The following JMJD1C variants were observed in gnomAD, a reference collection of about 807,000 sequenced individuals.
The protein encoded by JMJD1C is jumonji domain containing 1C.
A neutral mutation model predicts 245.3 loss-of-function variants in JMJD1C; 31 were observed. That is an observed-to-expected ratio of 0.13 (90% CI 0.09 to 0.17). JMJD1C has a LOEUF of 0.17. Ranked by LOEUF, JMJD1C falls within the 10% of genes least tolerant of loss-of-function variation. JMJD1C has a pLI of 1.00. For missense variants in JMJD1C, 2,691 were observed against 3,000.2 expected, an observed-to-expected ratio of 0.90 and a Z score of 2.41; for synonymous variants, 1,057 against 1,017.4, an observed-to-expected ratio of 1.04 and a Z score of -0.74.
In JMJD1C at chr10:63,189,148, T is replaced by C. The variant is rs748676870; in HGVS notation, c.6570+20A>G. On this transcript the variant is annotated intron_variant, in intron 18 of 25. Coordinates refer to ENST00000399262, the MANE Select transcript of JMJD1C (RefSeq NM_032776.3). ...CTTCAGTTCCACCAAGAGTGTTCTT[T>C]ATCAGCCTAAAATACACACCTGTCC... 1.3e-5 allele frequency: 20 copies of C among 1,574,520 alleles called. No individual in the cohort carries two copies. The highest frequency in any genetic ancestry group is 1.6e-5 in the Non-Finnish European group (19 of 1,162,728).
chr10:63,349,302 T>C (rs1383787174), intron 2 of JMJD1C, among the ~76,000 whole-genome samples: 2 of 152,106 alleles, frequency 1.3e-5, no homozygotes, highest in East Asian at 3.9e-4. Context: ...GTATTCCTTT[T>C]ACAACAATGC....
At chr10:63,196,060 T>C (rs1845422940) in intron 13 of JMJD1C, among the ~76,000 whole-genome samples, 2 of 152,156 alleles carry the variant, frequency 1.3e-5, no homozygotes, top group South Asian at 4.1e-4. Context: ...GGTCAGGAGT[T>C]TGAGACCAGC....
intron 1 of JMJD1C, among the ~76,000 whole-genome samples, chr10:63,500,219 C>G (rs186926760): frequency 1.3e-5 from 2 of 152,114 alleles, no homozygotes; most frequent in South Asian, 4.1e-4. Flanking sequence ...CCCAGAAGTT[C>G]GAGACCAGCT....
rs565987613 is a variant in JMJD1C, at chr10:63,254,658, C to T, written c.447+9993G>A. Among the ~76,000 whole-genome samples the T allele has an allele frequency of 1.1e-4, 16 of 149,058 alleles. No homozygotes were observed. The South Asian group carries it at 2.2e-3, about 20-fold the overall frequency. On this transcript the variant is annotated intron_variant, in intron 3 of 25. Coordinates refer to ENST00000399262, the MANE Select transcript of JMJD1C (RefSeq NM_032776.3). ...TGGGCTCAAGCAATCCTCCCATCCCCGCCTCCCAAGTAGTTGGGACTACAG... is the reference window on the plus strand; with the variant it reads ...TGGGCTCAAGCAATCCTCCCATCCCTGCCTCCCAAGTAGTTGGGACTACAG...
intron 1 of JMJD1C, among the ~76,000 whole-genome samples, chr10:63,442,878 T>C (rs1564925033): frequency 6.6e-6 from 1 of 152,224 alleles, no homozygotes; most frequent in Non-Finnish European, 1.5e-5. Context: ...AAATACATGA[T>C]GTCTTTTCCA....
exon 1 of JMJD1C, chr10:63,521,809 C>T: frequency 3.6e-6 from 1 of 276,428 alleles, no homozygotes; most frequent in Admixed American, 5.5e-5. Flanking sequence ...GCTGCGACGG[C>T]GGCGGCGGCT....
At chr10:63,293,483 T>C (rs1589406046) in intron 2 of JMJD1C, among the ~76,000 whole-genome samples, 1 of 152,214 alleles carries the variant, frequency 6.6e-6, no homozygotes, top group East Asian at 1.9e-4. Flanking sequence ...TCAAATAAAA[T>C]ATAAATATGT....
chr10:63,471,804 G>A (rs1262506230), intron 1 of JMJD1C, among the ~76,000 whole-genome samples: 1 of 152,204 alleles, frequency 6.6e-6, no homozygotes, highest in Non-Finnish European at 1.5e-5. Context: ...CTGGGAGGCT[G>A]AGTGGGGCGG....
rs568501722 is a variant in JMJD1C at position 63,284,782 on chromosome 10, G to C, written c.334-20018C>G. Among the ~76,000 whole-genome samples the C allele has an allele frequency of 6.6e-5, 10 of 151,844 alleles. No individual in the cohort carries two copies. In the East Asian group the frequency reaches 1.9e-3, roughly 29 times the overall value. ...TACAGTTCAGAGTTGTGAGTGGCCA[G>C]AGCTTATCCTAGAAGCTCACCATTC... On this transcript the variant is annotated intron_variant, in intron 2 of 25. Coordinates refer to ENST00000399262, the MANE Select transcript of JMJD1C (RefSeq NM_032776.3).
intron 1 of JMJD1C, among the ~76,000 whole-genome samples, chr10:63,456,484 C>A (rs12246496): frequency 0.14 from 21,809 of 151,866 alleles, 3,595 homozygotes; most frequent in African/African-American, 0.4. Context: ...TAATTTTAAC[C>A]AAACATTAAC....
At chr10:63,331,014 T>A (rs962458941) in intron 2 of JMJD1C, among the ~76,000 whole-genome samples, 1 of 152,244 alleles carries the variant, frequency 6.6e-6, no homozygotes, top group African/African-American at 2.4e-5. Flanking sequence ...CTTACTTGAC[T>A]TCATTATCTT....
At chr10:63,202,450 TGGATCAGA>T in intron 10 of JMJD1C, 3 of 985,426 alleles carry the variant, frequency 3.0e-6, no homozygotes, top group Non-Finnish European at 3.6e-6. Context: ...GCCCAATGTG[TGGATCAGA>T]GGTACAGCTA....
chr10:63,446,642 T>C (rs992144092), intron 1 of JMJD1C, among the ~76,000 whole-genome samples: 1 of 152,176 alleles, frequency 6.6e-6, no homozygotes, highest in Non-Finnish European at 1.5e-5. Flanking sequence ...GTGAGCATAA[T>C]GTCCTAGGAT....
intron 2 of JMJD1C, among the ~76,000 whole-genome samples, chr10:63,335,436 G>C (rs922578206): frequency 2.6e-5 from 4 of 152,212 alleles, no homozygotes; most frequent in African/African-American, 9.6e-5. Context: ...CAGTTAAAAA[G>C]AAAATTGATT....
intron 3 of JMJD1C, among the ~76,000 whole-genome samples, chr10:63,263,129 A>C (rs915921534): frequency 6.6e-6 from 1 of 152,222 alleles, no homozygotes; most frequent in African/African-American, 2.4e-5. Flanking sequence ...TTCACAATTA[A>C]CAAAATAAAA....
chr10:63,332,233 A>T (rs537780123), intron 2 of JMJD1C, among the ~76,000 whole-genome samples: 5 of 152,372 alleles, frequency 3.3e-5, no homozygotes, highest in African/African-American at 1.2e-4. Context: ...AATGCAGCTT[A>T]TATAAGTAAA....
intron 2 of JMJD1C, among the ~76,000 whole-genome samples, chr10:63,295,106 G>T (rs751955148): frequency 6.6e-6 from 1 of 151,794 alleles, no homozygotes; most frequent in Non-Finnish European, 1.5e-5. Context: ...TTTTTGTTTT[G>T]AGTGAGGATC....
At chr10:63,242,996 T>C (rs1205819045) in intron 3 of JMJD1C, among the ~76,000 whole-genome samples, 2 of 150,932 alleles carry the variant, frequency 1.3e-5, no homozygotes, top group Non-Finnish European at 3.0e-5. Flanking sequence ...AGCAACAAAA[T>C]TGGGAATGGA....
At chr10:63,276,291 C>G (rs1012379103) in intron 2 of JMJD1C, among the ~76,000 whole-genome samples, 5 of 151,924 alleles carry the variant, frequency 3.3e-5, no homozygotes, top group Non-Finnish European at 7.4e-5. Context: ...ACGGTGAAAC[C>G]CCGTCTCTAC....
Sources: gnomAD v4.1 joint callset for allele counts (sites outside exome capture counted in the v4.1 genomes callset) on GRCh38, gnomAD v4.1.1 for gene constraint, MANE v1.5 for transcripts, NCBI Gene and HGNC (gene_info 2026-07-23, HGNC 2026-07-21) for gene names.